Variants in ZNF438 observed in about 807,000 individuals in gnomAD.
The protein encoded by ZNF438 is zinc finger protein 438.
In ZNF438, 25 loss-of-function variants were observed where a neutral mutation model predicts 38.0. That is an observed-to-expected ratio of 0.66 (90% CI 0.48 to 0.92). The LOEUF (loss-of-function observed/expected upper bound fraction) is 0.92, where lower values mean the gene tolerates loss of function less well. ZNF438 is among the 40% of genes least tolerant of loss of function. The pLI is 0.00. For synonymous variants in ZNF438, 372 were observed against 364.1 expected (o/e 1.02, Z -0.25); for missense variants, 1,007 against 999.6 (o/e 1.01, Z -0.10).
chr10:30,928,124 G>A (rs954925905), intron 2 of ZNF438, among the ~76,000 whole-genome samples: 1 of 152,152 alleles, frequency 6.6e-6, no homozygotes, highest in Non-Finnish European at 1.5e-5. Context: ...TCCAAAGAGA[G>A]GCGACGGAAC....
chr10:30,860,397 A>C (rs939598879), intron 4 of ZNF438, among the ~76,000 whole-genome samples: 4 of 152,220 alleles, frequency 2.6e-5, no homozygotes, highest in African/African-American at 9.7e-5. Context: ...GCATTCTGAA[A>C]GCTCTCGTGT....
intron 1 of ZNF438, among the ~76,000 whole-genome samples, chr10:30,982,258 C>A (rs1304298191): frequency 1.3e-5 from 2 of 151,876 alleles, no homozygotes; most frequent in Non-Finnish European, 2.9e-5. Flanking sequence ...CCTGCCACCA[C>A]GCCTGGCTAA....
In ZNF438 at chr10:30,860,893, C is replaced by T. The variant is rs570831887; in HGVS notation, c.38-10526G>A. On this transcript the variant is annotated intron_variant, in intron 4 of 5. Coordinates refer to ENST00000413025, the Ensembl canonical transcript of ZNF438. Reference sequence around the variant, plus strand: ...AAGAAAGTGGGGTAAGTACAGATCTCAGTGGCCCTGTGATGGGGGATGGGG... The same window carrying T: ...AAGAAAGTGGGGTAAGTACAGATCTTAGTGGCCCTGTGATGGGGGATGGGG... Among the ~76,000 whole-genome samples the T allele has an allele frequency of 3.3e-5, 5 of 152,238 alleles. No homozygotes were observed. In the South Asian group the frequency reaches 1.0e-3, roughly 32 times the overall value.
intron 4 of ZNF438, among the ~76,000 whole-genome samples, chr10:30,855,677 A>G (rs570627768): frequency 5.3e-5 from 8 of 152,366 alleles, no homozygotes; most frequent in African/African-American, 1.9e-4. Flanking sequence ...TGCTAATAAG[A>G]TAATCATCCA....
At chr10:31,029,385 C>A (rs1474137479) in intron 1 of ZNF438, among the ~76,000 whole-genome samples, 1 of 152,182 alleles carries the variant, frequency 6.6e-6, no homozygotes, top group Non-Finnish European at 1.5e-5. Flanking sequence ...AGAACTTGTG[C>A]AAAACTAAAT....
intron 3 of ZNF438, among the ~76,000 whole-genome samples, chr10:30,879,649 G>A (rs1027658214): frequency 6.6e-6 from 1 of 152,052 alleles, no homozygotes; most frequent in Non-Finnish European, 1.5e-5. Context: ...AAAATTTCTA[G>A]AGATAAAAAC....
intron 4 of ZNF438, chr10:30,857,871 C>G: frequency 1.3e-6 from 1 of 774,510 alleles, no homozygotes; most frequent in Non-Finnish European, 1.8e-6. Context: ...CTTTATTAAA[C>G]TGTTTCACAA....
chr10:30,898,094 C>A lies in ZNF438; in HGVS notation c.-32+10839G>T, dbSNP rs375028804. Among the ~76,000 whole-genome samples the A allele has an allele frequency of 3.3e-5, 5 of 152,164 alleles. No homozygotes were observed. In the East Asian group the frequency reaches 9.6e-4, roughly 29 times the overall value. Reference sequence around the variant, plus strand: ...ATTAGTTTGGGGGGTTAACTTTAGTCTAAGTAAAGGCATATAATAGTAACT... The same window carrying A: ...ATTAGTTTGGGGGGTTAACTTTAGTATAAGTAAAGGCATATAATAGTAACT... On this transcript the variant is annotated intron_variant, in intron 3 of 5. Coordinates refer to ENST00000413025, the Ensembl canonical transcript of ZNF438.
chr10:30,915,050 T>G (rs957714), intron 2 of ZNF438, among the ~76,000 whole-genome samples: 19,088 of 152,054 alleles, frequency 0.13, 1,601 homozygotes, highest in Middle Eastern at 0.24. Flanking sequence ...ATAGGCTTAC[T>G]GGTGACACCC....
At chr10:30,985,157 C>T (rs2052628758) in intron 1 of ZNF438, among the ~76,000 whole-genome samples, 1 of 152,108 alleles carries the variant, frequency 6.6e-6, no homozygotes, top group Non-Finnish European at 1.5e-5. Context: ...TTCTTAAAGA[C>T]AGCACCCAGG....
intron 4 of ZNF438, among the ~76,000 whole-genome samples, chr10:30,866,489 G>C (rs1231625907): frequency 6.6e-6 from 1 of 152,162 alleles, no homozygotes; most frequent in African/African-American, 2.4e-5. Context: ...TGGAAAATTT[G>C]AATTCACCAC....
intron 2 of ZNF438, among the ~76,000 whole-genome samples, chr10:30,916,528 G>C (rs1390782520): frequency 6.6e-6 from 1 of 151,098 alleles, no homozygotes; most frequent in Non-Finnish European, 1.5e-5. Context: ...ATCCTTTTTT[G>C]TTGTTGTTGT....
At chr10:30,982,048 A>T (rs1387238646) in intron 1 of ZNF438, among the ~76,000 whole-genome samples, 2 of 150,308 alleles carry the variant, frequency 1.3e-5, no homozygotes, top group Admixed American at 6.6e-5. Context: ...GAACTATTAC[A>T]TGATCAATGT....
chr10:30,874,503 G>T (rs2038103937), intron 4 of ZNF438, among the ~76,000 whole-genome samples: 1 of 141,994 alleles, frequency 7.0e-6, no homozygotes. Flanking sequence ...TGATGCTTTT[G>T]TTAAAAAATA....
chr10:30,895,456 T>A (rs2041203216), intron 3 of ZNF438, among the ~76,000 whole-genome samples: 1 of 152,126 alleles, frequency 6.6e-6, no homozygotes, highest in South Asian at 2.1e-4. Flanking sequence ...GGAAAGTAAA[T>A]GTGACTGAGA....
At chr10:30,963,095 G>T (rs868194666) in intron 1 of ZNF438, among the ~76,000 whole-genome samples, 6 of 152,108 alleles carry the variant, frequency 3.9e-5, no homozygotes, top group Middle Eastern at 3.2e-3. Context: ...GCTTTATTGT[G>T]AAAGAAACTT....
intron 2 of ZNF438, among the ~76,000 whole-genome samples, chr10:30,911,216 G>A (rs1418533092): frequency 6.6e-6 from 1 of 152,072 alleles, no homozygotes; most frequent in Non-Finnish European, 1.5e-5. Context: ...TACCAGCAGA[G>A]TTGCAATATC....
intron 1 of ZNF438, among the ~76,000 whole-genome samples, chr10:31,001,620 C>T (rs1193134297): frequency 6.6e-6 from 1 of 152,150 alleles, no homozygotes; most frequent in Non-Finnish European, 1.5e-5. Flanking sequence ...TCATTTTCTG[C>T]ATATTACCTT....
intron 2 of ZNF438, among the ~76,000 whole-genome samples, chr10:30,940,363 A>G (rs2046686719): frequency 6.6e-6 from 1 of 152,226 alleles, no homozygotes; most frequent in African/African-American, 2.4e-5. Flanking sequence ...ACATTAGATG[A>G]CACTGGCAGA....
Sources: gnomAD v4.1 joint callset for allele counts (sites outside exome capture counted in the v4.1 genomes callset) on GRCh38, gnomAD v4.1.1 for gene constraint, MANE v1.5 for transcripts, NCBI Gene and HGNC (gene_info 2026-07-23, HGNC 2026-07-21) for gene names.